PDE2A: variants seen among roughly 807,000 people sequenced by gnomAD.
PDE2A encodes phosphodiesterase 2A.
A neutral mutation model predicts 133.6 loss-of-function variants in PDE2A; 53 were observed. The observed-to-expected ratio is 0.40, with a 90% CI of 0.32 to 0.50. PDE2A has a LOEUF of 0.50. PDE2A is among the 20% of genes least tolerant of loss of function. The probability of loss-of-function intolerance (pLI) is 0.73; values close to 1 mark genes in which losing one functional copy is unlikely to be tolerated. For missense variants in PDE2A, 796 were observed against 1,232.4 expected, an observed-to-expected ratio of 0.65 and a Z score of 5.30; for synonymous variants, 491 against 490.2, an observed-to-expected ratio of 1.00 and a Z score of -0.02.
chr11:72,623,549 G>A (rs562342082), intron 2 of PDE2A, among the ~76,000 whole-genome samples: 13 of 151,962 alleles, frequency 8.6e-5, no homozygotes, highest in Non-Finnish European at 1.3e-4. Context: ...GCCTGGCCCC[G>A]CTGCCCACTG....
chr11:72,623,917 C>G (rs1038560567), intron 2 of PDE2A, among the ~76,000 whole-genome samples: 1 of 152,098 alleles, frequency 6.6e-6, no homozygotes, highest in Non-Finnish European at 1.5e-5. Context: ...CTCTGCCTCC[C>G]CCTAACTTAT....
At chr11:72,668,023 C>A (rs1339007700) in intron 1 of PDE2A, among the ~76,000 whole-genome samples, 1 of 152,202 alleles carries the variant, frequency 6.6e-6, no homozygotes, top group Admixed American at 6.5e-5. Context: ...CAGTTCAATC[C>A]ATTCAGCCTA....
At chr11:72,671,093 CT>C (rs1855374033) in intron 1 of PDE2A, among the ~76,000 whole-genome samples, 1 of 152,182 alleles carries the variant, frequency 6.6e-6, no homozygotes, top group African/African-American at 2.4e-5. Context: ...CCTACCCATC[CT>C]TCAAGGTCCG....
In PDE2A at chr11:72,578,998, G is replaced by T; in HGVS notation, c.2368C>A (p.Arg790=). 6.8e-6 allele frequency: 11 copies of T among 1,612,242 alleles called. No individual in the cohort carries two copies. Among genetic ancestry groups the T allele is most frequent in the Non-Finnish European group, 9.3e-6 (11 of 1,178,354 alleles). ...AGTCTGTGGTGCTGCTTGTTGTTTC[G>T]GTCGTAGCCCACTGTTGAGGGGAGG... The part of the protein sequence containing the change: ...LQKMAEVGYD[R]NNKQHHRLLL... Residue 790 remains arginine (R), a synonymous_variant, in exon 28 of 31, where the codon CGA becomes AGA. Transcript: ENST00000334456. This position sits in a 1 kb window ranked among gnomAD's most constrained non-coding sequence, Gnocchi z 4.2.
At chr11:72,647,543 A>C (rs911586645) in intron 1 of PDE2A, among the ~76,000 whole-genome samples, 7 of 152,224 alleles carry the variant, frequency 4.6e-5, no homozygotes, top group African/African-American at 1.4e-4. Context: ...GACCCTCAGG[A>C]GAGGCTGTGT....
rs114307723 is a variant in PDE2A at position 72,588,721 on chromosome 11, C to A, written c.1070+63G>T. ...AGTACCCATCCCACATTGTTACCCT[C>A]GTGGAGCCCTAGCCAGCCTCTCAGT... is the stretch of plus-strand genomic sequence containing the variant. On this transcript the variant is annotated intron_variant, in intron 13 of 30. Transcript: ENST00000334456. 9.9e-4 allele frequency: 1,502 copies of A among 1,511,670 alleles called. 10 individuals carry two copies. The African/African-American group carries it at 0.018, about 18-fold the overall frequency. 93.6% of individuals were successfully genotyped at this position (1,511,670 alleles called of 1,614,324 possible).
intron 4 of PDE2A, among the ~76,000 whole-genome samples, chr11:72,601,916 C>T (rs950677643): frequency 6.6e-6 from 1 of 152,136 alleles, no homozygotes; most frequent in Non-Finnish European, 1.5e-5. Flanking sequence ...AGGAAGAGGG[C>T]ATCGGATTGT....
intron 2 of PDE2A, among the ~76,000 whole-genome samples, chr11:72,634,117 C>T (rs1052896805): frequency 1.3e-5 from 2 of 152,194 alleles, no homozygotes; most frequent in South Asian, 2.1e-4. Flanking sequence ...CGAGACCTCA[C>T]GGGGATGGGG....
At chr11:72,611,333 C>G (rs545631684) in intron 2 of PDE2A, among the ~76,000 whole-genome samples, 3 of 152,310 alleles carry the variant, frequency 2.0e-5, no homozygotes, top group Admixed American at 6.5e-5. Flanking sequence ...AGAACCCAAA[C>G]CTCTGGATCT....
Position 72,578,378 on chromosome 11 carries a change from C to G in PDE2A, c.2509-39G>C. The stretch of plus-strand genomic sequence containing the variant: ...GTCGTCAGGCCTGTCCCTCTCATTC[C>G]TCCATCGGGTACCAGGGTCAGGCTA... On this transcript the variant is annotated intron_variant, in intron 29 of 30. Transcript: ENST00000334456. This position sits in a 1 kb window ranked among gnomAD's most constrained non-coding sequence, Gnocchi z 4.2. 6.3e-7 allele frequency: 1 copy of G among 1,578,140 alleles called. No homozygotes were observed. The highest frequency in any genetic ancestry group is 8.7e-7 in the Non-Finnish European group (1 of 1,147,200).
rs1258006285 is a variant in PDE2A at position 72,578,533 on chromosome 11, C to T, written c.2470-19G>A. 5.0e-6 allele frequency: 8 copies of T among 1,605,276 alleles called. No homozygotes were observed. In the Admixed American group the frequency reaches 1.2e-4, roughly 23 times the overall value. ...TCAGCTCCTGAAAGGCCAACACTCTCATCACATCCTCTATGTAGGATACAT... is the reference window on the plus strand; with the variant it reads ...TCAGCTCCTGAAAGGCCAACACTCTTATCACATCCTCTATGTAGGATACAT... On this transcript the variant is annotated intron_variant, in intron 28 of 30. Transcript: ENST00000334456. The surrounding 1 kb of genome is among the most constrained non-coding windows in gnomAD (Gnocchi z 4.2).
intron 12 of PDE2A, 56 bp downstream of exon 12, chr11:72,589,119 G>C: frequency 1.3e-6 from 2 of 1,482,950 alleles, no homozygotes; most frequent in Middle Eastern, 3.7e-4. Flanking sequence ...CCTGGCTCTA[G>C]GGGCTGGCAG....
In PDE2A at chr11:72,608,185, C is replaced by T. The variant is rs549568334; in HGVS notation, c.234+477G>A. Among the ~76,000 whole-genome samples the T allele has an allele frequency of 1.7e-3, 256 of 152,202 alleles. 3 individuals are homozygous for T. Among genetic ancestry groups the T allele is most frequent in the Middle Eastern group, 6.8e-3 (2 of 294 alleles). On this transcript the variant is annotated intron_variant, in intron 3 of 30. Coordinates refer to ENST00000334456, the MANE Select transcript of PDE2A (RefSeq NM_002599.5). ...TAAAAGGCTGCTAGAGGCCATTTTT[C>T]CAGCCTCCCATCTCCAGGCAGGGCA...
chr11:72,577,293 C>T lies in PDE2A; in HGVS notation c.*91G>A. The T allele has an allele frequency of 1.0e-6, 1 of 954,506 alleles. No individual in the cohort carries two copies. Among genetic ancestry groups the T allele is most frequent in the Non-Finnish European group, 1.6e-6 (1 of 621,868 alleles). 59.1% of individuals were successfully genotyped at this position (954,506 alleles called of 1,614,324 possible). A position where few individuals can be genotyped will look rare whatever the true frequency, so the allele number is the denominator to read the frequency against. On this transcript the variant is annotated 3_prime_UTR_variant, in exon 31 of 31. Coordinates refer to ENST00000334456, the MANE Select transcript of PDE2A (RefSeq NM_002599.5). Reference sequence around the variant, plus strand: ...ACACAGGAAGTCCTGGTCTAGGACCCAGGACCCGTGGCTCTGTTCCCAGTG... The same window carrying T: ...ACACAGGAAGTCCTGGTCTAGGACCTAGGACCCGTGGCTCTGTTCCCAGTG...
At chr11:72,592,415 G>C (rs1039553887) in intron 6 of PDE2A, among the ~76,000 whole-genome samples, 1 of 152,180 alleles carries the variant, frequency 6.6e-6, no homozygotes, top group African/African-American at 2.4e-5. Context: ...GCAGGTTCTC[G>C]GGAAGCTCAC....
rs1370965816 is a variant in PDE2A at position 72,584,953 on chromosome 11, G to A, written c.1287-9C>T. 1 of 1,613,926 alleles carries A rather than the reference G, an allele frequency of 6.2e-7. No homozygotes were observed. The highest frequency in any genetic ancestry group is 1.3e-5 in the African/African-American group (1 of 74,930). On this transcript the variant is annotated splice_polypyrimidine_tract_variant and intron_variant, in intron 16 of 30. Coordinates refer to ENST00000334456, the MANE Select transcript of PDE2A (RefSeq NM_002599.5). Reference sequence around the variant, plus strand: ...GCAGGAACACAGAGCAGCTGTGGAGGGAGGGGTTTGGTCCTCTGGGGCCTG... The same window carrying A: ...GCAGGAACACAGAGCAGCTGTGGAGAGAGGGGTTTGGTCCTCTGGGGCCTG...
At chr11:72,653,009 G>A (rs1407370715) in intron 1 of PDE2A, among the ~76,000 whole-genome samples, 1 of 152,248 alleles carries the variant, frequency 6.6e-6, no homozygotes, top group East Asian at 1.9e-4. Context: ...AATCGGCAAA[G>A]GCTCCTGTGG....
At chr11:72,666,336 T>C (rs537180036) in intron 1 of PDE2A, among the ~76,000 whole-genome samples, 153 of 152,220 alleles carry the variant, frequency 1.0e-3, no homozygotes, top group Non-Finnish European at 1.4e-3. Context: ...GTTGCATCAG[T>C]ACAAGAGGAC....
At chr11:72,673,294 G>C (rs1855424359) in intron 1 of PDE2A, among the ~76,000 whole-genome samples, 1 of 151,908 alleles carries the variant, frequency 6.6e-6, no homozygotes, top group African/African-American at 2.4e-5. Flanking sequence ...ACTCACACAG[G>C]GATGATCACA....
Sources: allele counts gnomAD v4.1 joint callset (sites outside exome capture counted in the v4.1 genomes callset), GRCh38; gene constraint gnomAD v4.1.1; non-coding constraint Gnocchi (gnomAD v3.1); transcripts MANE v1.5; gene names NCBI Gene and HGNC (gene_info 2026-07-23, HGNC 2026-07-21).